ABCD2: variants seen among roughly 807,000 people sequenced by gnomAD.
The protein encoded by ABCD2 is ATP-binding cassette sub-family D member 2.
Under a neutral mutation model 70.9 loss-of-function variants are expected in ABCD2, and 36 were observed. The ratio of observed to expected loss-of-function variants is 0.51; its 90% confidence interval spans 0.39 to 0.67. The LOEUF is 0.67. ABCD2 is among the 30% of genes least tolerant of loss of function. The probability of loss-of-function intolerance (pLI) is 0.00; values close to 1 mark genes in which losing one functional copy is unlikely to be tolerated. For missense variants in ABCD2, 729 were observed against 890.2 expected, an observed-to-expected ratio of 0.82 and a Z score of 2.30; for synonymous variants, 304 against 306.9, an observed-to-expected ratio of 0.99 and a Z score of 0.10.
chr12:39,619,775 T>A lies in ABCD2; in HGVS notation c.-160A>T. On this transcript the variant is annotated 5_prime_UTR_variant, in exon 1 of 10. Transcript: ENST00000308666. ...TTTAATTTTGTTCTGCTGTGACAGA[T>A]GCAGCAGAGCTCAGACTCCGCTGCA... 1 of 658,174 alleles carries A rather than the reference T, an allele frequency of 1.5e-6. No individual in the cohort carries two copies. 40.8% of individuals were successfully genotyped at this position (658,174 alleles called of 1,614,324 possible).
In ABCD2 at chr12:39,579,555, C is replaced by T; in HGVS notation, c.1857G>A (p.Met619Ile). The T allele has an allele frequency of 6.2e-7, 1 of 1,613,122 alleles. No individual in the cohort carries two copies. Among genetic ancestry groups the T allele is most frequent in the Non-Finnish European group, 8.5e-7 (1 of 1,179,364 alleles). ...CTTACTTATGATAAAACATACGAGC[C>T]ATGCCCATTCTTTGCTTTTCCCCTC... ...LSGGEKQRMGMARMFYHKPKY... is the reference protein window; with the variant it reads ...LSGGEKQRMGIARMFYHKPKY... Residue 619 changes from methionine (M) to isoleucine (I), a missense_variant, in exon 8 of 10, where the codon ATG (methionine) becomes ATA (isoleucine). By Grantham distance (10) the Met-to-Ile change is conservative. Transcript: ENST00000308666.
chr12:39,605,416 C>G (rs1941956564), intron 3 of ABCD2, among the ~76,000 whole-genome samples: 1 of 152,058 alleles, frequency 6.6e-6, no homozygotes, highest in African/African-American at 2.4e-5. Flanking sequence ...TGGCAGGATA[C>G]CAATATTGAG....
chr12:39,570,131 G>T (rs1271456228), intron 9 of ABCD2, among the ~76,000 whole-genome samples: 9 of 152,158 alleles, frequency 5.9e-5, no homozygotes, highest in Non-Finnish European at 1.3e-4. Flanking sequence ...TGAATTGGAA[G>T]AATTAATATT....
rs574336079 is a variant in ABCD2, at chr12:39,611,564, T to C, written c.1121-3850A>G. ...TATATAAACATCCATTCTAAGTGAC[T>C]GAAGATCTAAATGTGAAATGAAAAA... is the stretch of plus-strand genomic sequence containing the variant. On this transcript the variant is annotated intron_variant, in intron 2 of 9. Coordinates refer to ENST00000308666, the MANE Select transcript of ABCD2 (RefSeq NM_005164.4). Among the ~76,000 whole-genome samples, 22 of 152,190 alleles carry C rather than the reference T, an allele frequency of 1.4e-4. No homozygotes were observed. In the South Asian group the frequency reaches 4.4e-3, roughly 30 times the overall value.
intron 2 of ABCD2, 150 bp downstream of exon 2, chr12:39,616,838 A>G (rs1311654007): frequency 8.2e-6 from 5 of 606,178 alleles, no homozygotes; most frequent in Non-Finnish European, 2.6e-6. Flanking sequence ...TGGTCTTATC[A>G]CTGGACGCTG....
Position 39,593,676 on chromosome 12 carries a change from A to T in ABCD2, c.1646+6895T>A, listed in dbSNP as rs572886413. Among the ~76,000 whole-genome samples the T allele has an allele frequency of 2.6e-5, 4 of 152,316 alleles. No homozygotes were observed. The East Asian group carries it at 7.7e-4, about 29-fold the overall frequency. On this transcript the variant is annotated intron_variant, in intron 6 of 9. Coordinates refer to ENST00000308666, the MANE Select transcript of ABCD2 (RefSeq NM_005164.4). ...GCCCTTTCTGCAGAACTTCTGAAATAAAACACCGTCTTCACTGTTGCAAGC... is the reference window on the plus strand; with the variant it reads ...GCCCTTTCTGCAGAACTTCTGAAATTAAACACCGTCTTCACTGTTGCAAGC...
chr12:39,603,620 A>C (rs1255814660), intron 5 of ABCD2, among the ~76,000 whole-genome samples: 1 of 152,052 alleles, frequency 6.6e-6, no homozygotes, highest in Non-Finnish European at 1.5e-5. Context: ...AAAAAATTAA[A>C]ATTTATTTCC....
chr12:39,541,974 G>A, the ABCD2 span, among the ~76,000 whole-genome samples: 15,378 of 152,162 alleles, frequency 0.1, 789 homozygotes, highest in East Asian at 0.16. Context: ...GATAGTGATG[G>A]CACTAGGAGT....
At chr12:39,565,142 G>A (rs1240244870) in intron 9 of ABCD2, among the ~76,000 whole-genome samples, 3 of 152,142 alleles carry the variant, frequency 2.0e-5, no homozygotes, top group African/African-American at 7.2e-5. Flanking sequence ...GAACTTTAAA[G>A]TAGTTTTTTC....
At chr12:39,540,004 C>T in the ABCD2 span, among the ~76,000 whole-genome samples, 6 of 152,172 alleles carry the variant, frequency 3.9e-5, no homozygotes, top group African/African-American at 1.4e-4. Context: ...TATTGCCTGT[C>T]CCCTGCCTCT....
chr12:39,553,982 T>C lies in ABCD2; in HGVS notation c.2153A>G (p.Asn718Ser). The change falls in exon 10 of 10, where the codon AAT (asparagine) becomes AGT (serine). Residue 718 changes from asparagine (N) to serine (S), a missense_variant. This residue lies in a region of ABCD2 where 289 missense variants were observed against 328.8 expected (regional missense o/e 0.88). Transcript: ENST00000308666. ...TTCTCCCAAAATTTTACATAGTTCATTGAGTCTCTGCTGCATTTTGGGAAT... is the reference window on the plus strand; with the variant it reads ...TTCTCCCAAAATTTTACATAGTTCACTGAGTCTCTGCTGCATTTTGGGAAT... ...AGIPKMQQRL[N>S]ELCKILGEDS... 1.2e-6 allele frequency: 2 copies of C among 1,613,432 alleles called. No homozygotes were observed. The highest frequency in any genetic ancestry group is 8.5e-7 in the Non-Finnish European group (1 of 1,179,826).
intron 9 of ABCD2, among the ~76,000 whole-genome samples, chr12:39,565,221 G>A (rs891444951): frequency 6.6e-6 from 1 of 152,118 alleles, no homozygotes; most frequent in Admixed American, 6.5e-5. Flanking sequence ...ACTTTGGGCA[G>A]TATGGCCATT....
chr12:39,569,313 A>C (rs960307068), intron 9 of ABCD2, among the ~76,000 whole-genome samples: 35 of 152,180 alleles, frequency 2.3e-4, no homozygotes, highest in African/African-American at 7.5e-4. Flanking sequence ...TACCTACTGA[A>C]GCCTTGGCAA....
intron 9 of ABCD2, among the ~76,000 whole-genome samples, chr12:39,564,460 A>G (rs1460564589): frequency 1.3e-5 from 2 of 152,070 alleles, no homozygotes; most frequent in Admixed American, 1.3e-4. Flanking sequence ...TCCTTTGCCC[A>G]CTTTTTGATG....
Position 39,553,384 on chromosome 12 carries a change from A to G in ABCD2, c.*528T>C, listed in dbSNP as rs1555215640. The G allele has an allele frequency of 1.3e-5, 2 of 152,064 alleles. No homozygotes were observed. The highest frequency in any genetic ancestry group is 2.9e-5 in the Non-Finnish European group (2 of 67,950). The allele number at this position is 152,064 out of a possible 1,614,324, so 9.4% of individuals were successfully genotyped here. A position where few individuals can be genotyped will look rare whatever the true frequency, so the allele number is the denominator to read the frequency against. ...TCTTTCAACAAATGCCATTAAAACA[A>G]TTTTTATATTGAAATTATTTATAAA... On this transcript the variant is annotated 3_prime_UTR_variant, in exon 10 of 10. Transcript: ENST00000308666.
chr12:39,567,934 A>T (rs985041198), intron 9 of ABCD2, among the ~76,000 whole-genome samples: 5 of 151,956 alleles, frequency 3.3e-5, no homozygotes, highest in Non-Finnish European at 7.4e-5. Flanking sequence ...TCTTTTCTTT[A>T]AGAATGTTGA....
At position 39,554,098 on chromosome 12, in the gene ABCD2, A is replaced by G. The variant is rs1167743603; in HGVS notation, c.2037T>C (p.Gly679=). 1 of 1,613,388 alleles carries G rather than the reference A, an allele frequency of 6.2e-7. No individual in the cohort carries two copies. Among genetic ancestry groups the G allele is most frequent in the South Asian group, 1.1e-5 (1 of 91,038 alleles). The part of the protein sequence containing the change: ...KYHTHLLQFD[G]EGGWRFEQLD... Reference sequence around the variant, plus strand: ...ATTGTTCAAAGCGCCAACCTCCTTCACCATCAAACTGTAATAAATGTGTGT... The same window carrying G: ...ATTGTTCAAAGCGCCAACCTCCTTCGCCATCAAACTGTAATAAATGTGTGT... The change falls in exon 10 of 10, where the codon GGT becomes GGC. Residue 679 remains glycine (G), a synonymous_variant. Coordinates refer to ENST00000308666, the MANE Select transcript of ABCD2 (RefSeq NM_005164.4).
chr12:39,588,519 A>C (rs1045733410), intron 6 of ABCD2, among the ~76,000 whole-genome samples: 3 of 152,196 alleles, frequency 2.0e-5, no homozygotes, highest in Non-Finnish European at 2.9e-5. Flanking sequence ...CACCACCAGA[A>C]GCTGGAAAAG....
chr12:39,569,344 C>T (rs949892997), intron 9 of ABCD2, among the ~76,000 whole-genome samples: 1 of 152,214 alleles, frequency 6.6e-6, no homozygotes, highest in African/African-American at 2.4e-5. Flanking sequence ...CCCTCCCCAG[C>T]CTTGCTGCCG....
Sources: gnomAD v4.1 joint callset for allele counts (sites outside exome capture counted in the v4.1 genomes callset) on GRCh38, gnomAD v4.1.1 for gene constraint, gnomAD v4.1.1 regional missense constraint, MANE v1.5 for transcripts, NCBI Gene and HGNC (gene_info 2026-07-23, HGNC 2026-07-21) for gene names.